The following STK33 variants were observed in gnomAD, a reference collection of about 807,000 sequenced individuals.
STK33 encodes serine/threonine kinase 33.
STK33 carries 52 observed loss-of-function variants against 58.0 expected under a neutral mutation model. The observed-to-expected ratio is 0.90, with a 90% confidence interval of 0.72 to 1.13. The LOEUF is 1.13. Among genes scored for constraint, STK33 ranks in the 50% most tolerant of loss-of-function variants. STK33 has a pLI of 0.00. For missense variants in STK33, 630 were observed against 604.2 expected (o/e 1.04, Z -0.45); for synonymous variants, 215 against 200.1 (o/e 1.07, Z -0.63).
At chr11:8,558,890 C>T (rs1274377358) in intron 1 of STK33, among the ~76,000 whole-genome samples, 4 of 152,274 alleles carry the variant, frequency 2.6e-5, no homozygotes, top group African/African-American at 4.8e-5. Flanking sequence ...ACTGGCTGTG[C>T]GGGTATTCAA....
intron 15 of STK33, among the ~76,000 whole-genome samples, chr11:8,401,244 C>G (rs1423647096): frequency 6.6e-6 from 1 of 152,142 alleles, no homozygotes; most frequent in Non-Finnish European, 1.5e-5. Flanking sequence ...GTAACCAAAA[C>G]AGCATGGTAC....
intron 13 of STK33, 137 bp from the exon 14 acceptor site, chr11:8,435,716 G>A (rs938645212): frequency 4.2e-6 from 2 of 473,922 alleles, no homozygotes; most frequent in Admixed American, 3.9e-5. Flanking sequence ...CAGTATAAAT[G>A]CCTAATAAAT....
At chr11:8,518,196 TAAAG>T in intron 1 of STK33, among the ~76,000 whole-genome samples, 1 of 152,236 alleles carries the variant, frequency 6.6e-6, no homozygotes, top group East Asian at 1.9e-4. Flanking sequence ...TCAACATTCT[TAAAG>T]AAAAGAATTT....
chr11:8,507,568 T>C (rs1342803037), intron 1 of STK33, among the ~76,000 whole-genome samples: 4 of 152,104 alleles, frequency 2.6e-5, no homozygotes, highest in South Asian at 2.1e-4. Flanking sequence ...GGAGGAAATA[T>C]AGAGCATGTC....
chr11:8,406,805 T>C (rs2135468988), intron 15 of STK33, among the ~76,000 whole-genome samples: 1 of 152,222 alleles, frequency 6.6e-6, no homozygotes, highest in Admixed American at 6.5e-5. Context: ...ATTCTTCCTT[T>C]ACAATATATA....
the STK33 span, among the ~76,000 whole-genome samples, chr11:8,372,031 A>G: frequency 6.6e-6 from 1 of 151,706 alleles, no homozygotes; most frequent in African/African-American, 2.4e-5. Flanking sequence ...ACCCACACCT[A>G]GCTAATATTT....
At chr11:8,372,070 T>C in the STK33 span, among the ~76,000 whole-genome samples, 2 of 151,964 alleles carry the variant, frequency 1.3e-5, no homozygotes, top group African/African-American at 4.8e-5. Context: ...GGGCTCACTT[T>C]GTTGCCCAGG....
chr11:8,452,111 G>T (rs902479326), intron 11 of STK33, among the ~76,000 whole-genome samples: 1 of 152,098 alleles, frequency 6.6e-6, no homozygotes, highest in African/African-American at 2.4e-5. Flanking sequence ...GCTGAGGCAC[G>T]AGAATTGCTT....
At chr11:8,378,608 C>G in the STK33 span, among the ~76,000 whole-genome samples, 1 of 152,172 alleles carries the variant, frequency 6.6e-6, no homozygotes, top group African/African-American at 2.4e-5. Flanking sequence ...AATAAATGCC[C>G]TCATGATTCA....
At chr11:8,535,451 G>C (rs1014448048) in intron 1 of STK33, among the ~76,000 whole-genome samples, 8 of 152,218 alleles carry the variant, frequency 5.3e-5, no homozygotes, top group African/African-American at 1.7e-4. Flanking sequence ...TTTCTCAAAA[G>C]AAGAGCTACA....
At chr11:8,526,474 C>T (rs1017338029) in intron 1 of STK33, among the ~76,000 whole-genome samples, 3 of 151,692 alleles carry the variant, frequency 2.0e-5, no homozygotes, top group Non-Finnish European at 4.4e-5. Flanking sequence ...GTTAAATATA[C>T]GCATATCTTA....
At chr11:8,401,114 AC>A (rs1937826436) in intron 15 of STK33, among the ~76,000 whole-genome samples, 1 of 152,210 alleles carries the variant, frequency 6.6e-6, no homozygotes, top group African/African-American at 2.4e-5. Flanking sequence ...ATTGGAAAAA[AC>A]TGCTTTAAAG....
At chr11:8,401,327 C>T (rs1353908589) in intron 15 of STK33, among the ~76,000 whole-genome samples, 1 of 152,082 alleles carries the variant, frequency 6.6e-6, no homozygotes, top group Non-Finnish European at 1.5e-5. Context: ...TATCTACAAC[C>T]ATCTGATCTT....
chr11:8,528,401 T>C (rs114018911), intron 1 of STK33, among the ~76,000 whole-genome samples: 27 of 152,332 alleles, frequency 1.8e-4, no homozygotes, highest in African/African-American at 5.8e-4. Flanking sequence ...ATGTAAATGA[T>C]TGGTAAACAA....
chr11:8,577,540 G>A (rs1216161665), intron 1 of STK33, among the ~76,000 whole-genome samples: 1 of 151,714 alleles, frequency 6.6e-6, no homozygotes, highest in African/African-American at 2.4e-5. Context: ...GTTTATCTGG[G>A]TATATAAATA....
intron 1 of STK33, among the ~76,000 whole-genome samples, chr11:8,524,654 C>T (rs1953872978): frequency 6.6e-6 from 1 of 151,906 alleles, no homozygotes; most frequent in African/African-American, 2.4e-5. Context: ...AGAAATATGC[C>T]ATAATACCAT....
chr11:8,568,439 C>CA (rs901762474), intron 1 of STK33, among the ~76,000 whole-genome samples: 1 of 152,074 alleles, frequency 6.6e-6, no homozygotes, highest in Non-Finnish European at 1.5e-5. Context: ...AAAACAATTA[C>CA]AAAAATGAAT....
intron 1 of STK33, among the ~76,000 whole-genome samples, chr11:8,518,412 T>G (rs116967367): frequency 0.17 from 25,738 of 151,942 alleles, 2,602 homozygotes; most frequent in South Asian, 0.31. Context: ...AGACCATCAA[T>G]GCAGGGAAGA....
chr11:8,568,011 G>A (rs1344373183), intron 1 of STK33, among the ~76,000 whole-genome samples: 2 of 152,004 alleles, frequency 1.3e-5, no homozygotes, highest in Non-Finnish European at 2.9e-5. Context: ...TTTTTCCAAG[G>A]AAAATCCAAA....
Sources: allele counts gnomAD v4.1 joint callset (sites outside exome capture counted in the v4.1 genomes callset), GRCh38; gene constraint gnomAD v4.1.1; transcripts MANE v1.5; gene names NCBI Gene and HGNC (gene_info 2026-07-23, HGNC 2026-07-21).